Variants in GALNTL5 observed in about 807,000 individuals in gnomAD.
GALNTL5 encodes inactive polypeptide N-acetylgalactosaminyltransferase-like protein 5.
GALNTL5 carries 44 observed loss-of-function variants against 51.0 expected under a neutral mutation model. The observed-to-expected ratio is 0.86, with a 90% CI of 0.68 to 1.11. The LOEUF is 1.11. Among genes scored for constraint, GALNTL5 ranks in the 50% least tolerant of loss-of-function variants. The pLI is 0.00. For missense variants in GALNTL5, 528 were observed against 531.8 expected, an observed-to-expected ratio of 0.99 and a Z score of 0.07; for synonymous variants, 192 against 182.8, an observed-to-expected ratio of 1.05 and a Z score of -0.41.
chr7:151,982,878 G>T, intron 3 of GALNTL5, 108 bp from the exon 4 acceptor site: 1 of 1,596,818 alleles, frequency 6.3e-7, no homozygotes, highest in East Asian at 2.2e-5. Context: ...ATCAGTTGAA[G>T]GAGTAAAGAG....
At chr7:152,009,773 A>G (rs1299530396) in intron 7 of GALNTL5, among the ~76,000 whole-genome samples, 1 of 152,178 alleles carries the variant, frequency 6.6e-6, no homozygotes, top group Non-Finnish European at 1.5e-5. Context: ...AGCACTTGGC[A>G]GGGCAAGTCT....
In GALNTL5 at chr7:151,967,478, G is replaced by A. The variant is rs748173069; in HGVS notation, c.232G>A (p.Ala78Thr). Residue 78 changes from alanine to threonine, a missense_variant, in exon 2 of 9, where the codon GCA becomes ACA. By Grantham distance (58) the Ala-to-Thr change is moderately conservative. Coordinates refer to ENST00000392800, the MANE Select transcript of GALNTL5 (RefSeq NM_145292.4). Reference protein sequence around the residue: ...VIVKRTDEDKAKSMLGTDFNH... With the variant: ...VIVKRTDEDKTKSMLGTDFNH... Reference sequence around the variant, plus strand: ...AGTCAAAAGGACTGATGAAGATAAAGCAAAGTCTATGTTAGGTAAGTATTT... The same window carrying A: ...AGTCAAAAGGACTGATGAAGATAAAACAAAGTCTATGTTAGGTAAGTATTT... The A allele has an allele frequency of 6.2e-6, 10 of 1,613,534 alleles. No individual in the cohort carries two copies. In the South Asian group the frequency reaches 8.8e-5, roughly 14 times the overall value.
intron 5 of GALNTL5, among the ~76,000 whole-genome samples, chr7:151,999,613 G>T (rs753264847): frequency 6.6e-6 from 1 of 152,112 alleles, no homozygotes; most frequent in Non-Finnish European, 1.5e-5. Context: ...ATGATGTTTC[G>T]CATCTGTTTG....
intron 3 of GALNTL5, among the ~76,000 whole-genome samples, chr7:151,973,224 AG>A (rs1415976333): frequency 1.3e-5 from 2 of 151,966 alleles, no homozygotes; most frequent in African/African-American, 4.8e-5. Context: ...TGGGAGGCTA[AG>A]GCAGGTGGAT....
At chr7:152,004,336 T>C (rs906424665) in intron 6 of GALNTL5, among the ~76,000 whole-genome samples, 75 of 150,144 alleles carry the variant, frequency 5.0e-4, no homozygotes, top group African/African-American at 1.8e-3. Flanking sequence ...ATATATATTA[T>C]ACATATTACA....
rs961685384 is a variant in GALNTL5 at position 152,007,902 on chromosome 7, T to C, written c.984T>C (p.Asp328=). Residue 328 remains aspartate, a synonymous_variant, in exon 7 of 9, where the codon GAT becomes GAC. Coordinates refer to ENST00000392800, the MANE Select transcript of GALNTL5 (RefSeq NM_145292.4). The part of the protein sequence containing the change: ...YFNEIGQYDK[D]MDFWGRENLE... The stretch of plus-strand genomic sequence containing the variant: ...ATGAAATTGGACAGTATGACAAGGA[T>C]ATGGATTTTTGGGGAAGAGAAAATT... 6.8e-6 allele frequency: 11 copies of C among 1,611,392 alleles called. No individual in the cohort carries two copies. Among genetic ancestry groups the C allele is most frequent in the African/African-American group, 2.7e-5 (2 of 74,838 alleles).
intron 3 of GALNTL5, among the ~76,000 whole-genome samples, chr7:151,972,484 G>A (rs1038130343): frequency 3.5e-5 from 5 of 144,546 alleles, no homozygotes; most frequent in African/African-American, 1.3e-4. Flanking sequence ...TGGGGAAAAT[G>A]TCTCCAGGGC....
intron 5 of GALNTL5, among the ~76,000 whole-genome samples, chr7:151,992,163 C>T (rs1027414730): frequency 6.6e-6 from 1 of 152,072 alleles, no homozygotes; most frequent in Non-Finnish European, 1.5e-5. Flanking sequence ...TGGGTAGAGT[C>T]GCTTGCATTT....
At chr7:151,960,768 C>G (rs1404995656) in intron 1 of GALNTL5, 7 of 152,184 alleles carry the variant, frequency 4.6e-5, no homozygotes, top group African/African-American at 2.4e-5. Context: ...GAGCTGTGAG[C>G]CTGTGGCAGC....
In GALNTL5 at chr7:151,959,766, C is replaced by T. The variant is rs530366685; in HGVS notation, c.-40+3157C>T. 2.0e-5 allele frequency among the ~76,000 whole-genome samples: 3 copies of T among 152,274 alleles called. No individual in the cohort carries two copies. In the South Asian group the frequency reaches 6.2e-4, roughly 32 times the overall value. On this transcript the variant is annotated intron_variant, in intron 1 of 8. Transcript: ENST00000392800. The stretch of plus-strand genomic sequence containing the variant: ...TTGTAATGTGACCCTACTTATTGAT[C>T]TGGTGGCCAGGAGGGTACTGGGGGG...
Position 152,019,907 on chromosome 7 carries a change from G to A in GALNTL5, c.*106G>A, listed in dbSNP as rs1450430550. ...GGAACATCGTGGAATTACGTGAAATGCAATTAAAAAAATATGACCAGACGT... is the reference window on the plus strand; with the variant it reads ...GGAACATCGTGGAATTACGTGAAATACAATTAAAAAAATATGACCAGACGT... On this transcript the variant is annotated 3_prime_UTR_variant, in exon 9 of 9. Transcript: ENST00000392800. The A allele has an allele frequency of 9.3e-6, 9 of 972,000 alleles. No homozygotes were observed. In the Admixed American group the frequency reaches 1.9e-4, roughly 21 times the overall value. The allele number at this position is 972,000 out of a possible 1,614,324, so 60.2% of individuals were successfully genotyped here.
chr7:152,008,079 T>C, intron 7 of GALNTL5, 135 bp downstream of exon 7: 1 of 599,796 alleles, frequency 1.7e-6, no homozygotes. Context: ...CAATAAACAA[T>C]TTATGGGGCT....
At chr7:151,971,517 C>T (rs1048743544) in intron 3 of GALNTL5, among the ~76,000 whole-genome samples, 2 of 152,174 alleles carry the variant, frequency 1.3e-5, no homozygotes, top group South Asian at 4.1e-4. Context: ...ATAAAATACA[C>T]ATAACATAAA....
intron 4 of GALNTL5, among the ~76,000 whole-genome samples, chr7:151,983,753 C>T (rs547401684): frequency 2.8e-4 from 42 of 152,106 alleles, no homozygotes; most frequent in Non-Finnish European, 5.0e-4. Flanking sequence ...TTGTAATGAT[C>T]TAGGTGGAGA....
intron 6 of GALNTL5, among the ~76,000 whole-genome samples, chr7:152,005,366 G>C (rs1161231568): frequency 6.6e-6 from 1 of 152,198 alleles, no homozygotes; most frequent in Middle Eastern, 3.4e-3. Flanking sequence ...CTTTTCTAAG[G>C]GCAGAGCAAG....
At chr7:151,990,555 T>C (rs1282213673) in intron 5 of GALNTL5, among the ~76,000 whole-genome samples, 1 of 61,410 alleles carries the variant, frequency 1.6e-5, no homozygotes, top group Non-Finnish European at 2.9e-5. Flanking sequence ...CACTCCAGCC[T>C]GGGCGACAGA....
chr7:151,966,823 G>A (rs189169729), intron 1 of GALNTL5, among the ~76,000 whole-genome samples: 30 of 152,268 alleles, frequency 2.0e-4, no homozygotes, highest in Admixed American at 1.2e-3. Flanking sequence ...ATGTGATTGT[G>A]TGTTTTTACA....
chr7:151,988,665 A>G (rs2081390982), intron 5 of GALNTL5, among the ~76,000 whole-genome samples: 2 of 151,872 alleles, frequency 1.3e-5, no homozygotes, highest in East Asian at 1.9e-4. Context: ...AGATATATAC[A>G]TATATATGCA....
intron 3 of GALNTL5, chr7:151,982,777 G>C (rs1240673682): frequency 9.7e-7 from 1 of 1,025,894 alleles, no homozygotes; most frequent in East Asian, 2.8e-5. Context: ...ACATTAAGAA[G>C]GGGGAAATTA....
Sources: allele counts gnomAD v4.1 joint callset (sites outside exome capture counted in the v4.1 genomes callset), GRCh38; gene constraint gnomAD v4.1.1; transcripts MANE v1.5; gene names NCBI Gene and HGNC (gene_info 2026-07-23, HGNC 2026-07-21).